Variants in BCR observed in about 807,000 individuals in gnomAD.
The protein encoded by BCR is BCR activator of RhoGEF and GTPase.
Under a neutral mutation model 138.6 loss-of-function variants are expected in BCR, and 58 were observed. That is an observed-to-expected ratio of 0.42 (90% CI 0.34 to 0.52). BCR has a LOEUF of 0.52. Among genes scored for constraint, BCR ranks in the 20% least tolerant of loss-of-function variants. The pLI, the probability that BCR is intolerant of heterozygous loss-of-function variation, is 0.06. For synonymous variants in BCR, 786 were observed against 730.1 expected (o/e 1.08, Z -1.23); for missense variants, 1,599 against 1,727.2 (o/e 0.93, Z 1.32).
intron 1 of BCR, among the ~76,000 whole-genome samples, chr22:23,185,742 T>G (rs112464385): frequency 0.13 from 20,045 of 149,594 alleles, 1,468 homozygotes; most frequent in South Asian, 0.17. Context: ...TGTTGTTGTT[T>G]TTTTGAGGCG....
At chr22:23,242,214 G>A (rs1480650054) in intron 1 of BCR, among the ~76,000 whole-genome samples, 1 of 152,228 alleles carries the variant, frequency 6.6e-6, no homozygotes, top group Non-Finnish European at 1.5e-5. Context: ...GGACAAGGGG[G>A]ATCTGGCTAG....
intron 8 of BCR, among the ~76,000 whole-genome samples, chr22:23,281,949 G>A (rs77939345): frequency 0.034 from 5,123 of 152,298 alleles, 127 homozygotes; most frequent in African/African-American, 0.055. Flanking sequence ...TTTCTTGACC[G>A]CAGGCAGAGT....
At chr22:23,245,926 C>T (rs543782578) in intron 1 of BCR, among the ~76,000 whole-genome samples, 2 of 152,280 alleles carry the variant, frequency 1.3e-5, no homozygotes, top group African/African-American at 2.4e-5. Context: ...CGTTTAGTTC[C>T]GAAACATTTT....
Position 23,181,116 on chromosome 22 carries a change from G to T in BCR, c.156G>T (p.Glu52Asp). 1.3e-6 allele frequency: 2 copies of T among 1,502,710 alleles called. No individual in the cohort carries two copies. The highest frequency in any genetic ancestry group is 4.1e-5 in the Admixed American group (2 of 48,614). The allele number at this position is 1,502,710 out of a possible 1,614,324, so 93.1% of individuals were successfully genotyped here. A position where few individuals can be genotyped will look rare whatever the true frequency, so the allele number is the denominator to read the frequency against. The change falls in exon 1 of 23, where the codon GAG becomes GAT. Residue 52 changes from glutamate to aspartate, a missense_variant. This residue lies in a region of BCR where 806 missense variants were observed against 635.0 expected (regional missense o/e 1.27). Coordinates refer to ENST00000305877, the MANE Select transcript of BCR (RefSeq NM_004327.4). ...GCCTGGAGCAGGAGGTGAACCAGGA[G>T]CGCTTCCGCATGATCTACCTGCAGA... ...IRRLEQEVNQ[E>D]RFRMIYLQTL...
At chr22:23,194,172 A>G (rs1051005690) in intron 1 of BCR, among the ~76,000 whole-genome samples, 1 of 152,266 alleles carries the variant, frequency 6.6e-6, no homozygotes, top group Non-Finnish European at 1.5e-5. Flanking sequence ...TCTTAGAGTG[A>G]TAAATGGAAC....
intron 14 of BCR, 112 bp from the exon 15 acceptor site, chr22:23,292,429 T>G: frequency 1.2e-6 from 1 of 864,168 alleles, no homozygotes. Context: ...GTTACAACCT[T>G]TTTTTTTTAT....
intron 9 of BCR, 105 bp downstream of exon 9, chr22:23,284,203 A>G: frequency 2.0e-6 from 3 of 1,477,862 alleles, no homozygotes; most frequent in African/African-American, 1.4e-5. Context: ...AGCTCGTTAC[A>G]TTCCGTTTCT....
At chr22:23,218,047 C>A (rs899294845) in intron 1 of BCR, among the ~76,000 whole-genome samples, 12 of 152,226 alleles carry the variant, frequency 7.9e-5, no homozygotes, top group African/African-American at 2.9e-4. Flanking sequence ...CCTGCAGTAA[C>A]CCTACTCTGA....
chr22:23,306,367 T>C (rs2073954395), intron 16 of BCR: 1 of 152,256 alleles, frequency 6.6e-6, no homozygotes, highest in Non-Finnish European at 1.5e-5. Flanking sequence ...GAGCAGGGTG[T>C]CCTCCACCCT....
At chr22:23,190,901 T>G (rs1486505117) in intron 1 of BCR, among the ~76,000 whole-genome samples, 3 of 152,188 alleles carry the variant, frequency 2.0e-5, no homozygotes, top group African/African-American at 4.8e-5. Context: ...TTCGTTAGCT[T>G]CTTTAATTTT....
At chr22:23,311,961 T>C in intron 19 of BCR, 125 bp downstream of exon 19, 3 of 1,448,706 alleles carry the variant, frequency 2.1e-6, no homozygotes, top group Non-Finnish European at 2.8e-6. Context: ...ATTTACTGTG[T>C]TATTATTTTT....
chr22:23,247,572 T>G (rs1794695534), intron 1 of BCR, among the ~76,000 whole-genome samples: 1 of 152,030 alleles, frequency 6.6e-6, no homozygotes, highest in African/African-American at 2.4e-5. Context: ...TGGCAGAGGT[T>G]GGGTCAGGGG....
In BCR at chr22:23,207,991, G is replaced by A. The variant is rs147595011; in HGVS notation, c.1279+25752G>A. 3.9e-3 allele frequency among the ~76,000 whole-genome samples: 596 copies of A among 152,348 alleles called. 5 individuals carry two copies. Among genetic ancestry groups the A allele is most frequent in the Middle Eastern group, 0.014 (4 of 294 alleles). On this transcript the variant is annotated intron_variant, in intron 1 of 22. Transcript: ENST00000305877. ...AGCAGACCCCGGCTGCCCTGGCTGA[G>A]GCAGGTGTGCCCATCTGTACCCACC...
At chr22:23,291,649 T>G (rs572149996) in intron 14 of BCR, among the ~76,000 whole-genome samples, 77 of 152,082 alleles carry the variant, frequency 5.1e-4, no homozygotes, top group Non-Finnish European at 9.6e-4. Flanking sequence ...ATCTCTTCCT[T>G]GCCCCGTGCA....
chr22:23,197,629 A>G (rs1188648201), intron 1 of BCR, among the ~76,000 whole-genome samples: 1 of 152,136 alleles, frequency 6.6e-6, no homozygotes, highest in African/African-American at 2.4e-5. Context: ...AGTTGGGGTC[A>G]TCCTATGTGG....
intron 1 of BCR, chr22:23,242,850 C>T (rs538676278): frequency 3.5e-5 from 16 of 455,546 alleles, no homozygotes; most frequent in African/African-American, 3.0e-4. Context: ...TCAAGGTGTC[C>T]GCAGGGCCAG....
chr22:23,307,274 A>ATT (rs144686155), intron 16 of BCR, among the ~76,000 whole-genome samples: 4 of 150,518 alleles, frequency 2.7e-5, no homozygotes, highest in South Asian at 2.1e-4. Context: ...GCTTTTGAAA[A>ATT]TTTTTTTTTT....
intron 13 of BCR, chr22:23,290,074 C>G (rs2073767933): frequency 3.6e-6 from 2 of 555,082 alleles, no homozygotes; most frequent in Non-Finnish European, 3.3e-6. Context: ...TCCCACATCA[C>G]CCCGACCCCC....
chr22:23,263,620 T>G, intron 4 of BCR: 1 of 1,509,232 alleles, frequency 6.6e-7, no homozygotes. Context: ...CGTTTGCCAC[T>G]TTGTGCTGGC....
Sources: allele counts gnomAD v4.1 joint callset (sites outside exome capture counted in the v4.1 genomes callset), GRCh38; gene constraint gnomAD v4.1.1; regional missense constraint gnomAD v4.1.1; transcripts MANE v1.5; gene names NCBI Gene and HGNC (gene_info 2026-07-23, HGNC 2026-07-21).